The following ACOXL variants were observed in gnomAD, a reference collection of about 807,000 sequenced individuals.
ACOXL encodes acyl-coenzyme A oxidase-like protein.
In ACOXL, 70 loss-of-function variants were observed where a neutral mutation model predicts 71.9. The ratio of observed to expected loss-of-function variants is 0.97; its 90% CI spans 0.80 to 1.19. ACOXL has a LOEUF of 1.19. Ranked by LOEUF, ACOXL falls within the 50% of genes most tolerant of loss-of-function variation. The pLI is 0.00. For synonymous variants in ACOXL, 253 were observed against 281.6 expected (o/e 0.90, Z 1.02); for missense variants, 703 against 736.3 (o/e 0.95, Z 0.52).
At chr2:110,893,648 A>T (rs2058883461) in intron 10 of ACOXL, among the ~76,000 whole-genome samples, 1 of 152,222 alleles carries the variant, frequency 6.6e-6, no homozygotes, top group African/African-American at 2.4e-5. Context: ...GCCTTCAAGT[A>T]TAGTTAATGA....
At chr2:110,794,199 C>A in intron 5 of ACOXL, 25 bp downstream of exon 5, 1 of 1,601,836 alleles carries the variant, frequency 6.2e-7, no homozygotes, top group Non-Finnish European at 8.6e-7. Context: ...CTTCTCCTGC[C>A]GTGCAGGGGA....
At chr2:110,933,216 C>A (rs909962240) in intron 11 of ACOXL, among the ~76,000 whole-genome samples, 2 of 152,098 alleles carry the variant, frequency 1.3e-5, no homozygotes, top group Non-Finnish European at 2.9e-5. Flanking sequence ...TATTATCCTG[C>A]AACTTTTTCT....
chr2:110,784,693 C>T, intron 2 of ACOXL, 39 bp from the exon 3 acceptor site: 1 of 1,482,004 alleles, frequency 6.7e-7, no homozygotes, highest in Non-Finnish European at 9.0e-7. Context: ...GTCAGAAAAC[C>T]ATAAGGAAAC....
At chr2:111,029,905 G>C (rs2065187490) in intron 14 of ACOXL, among the ~76,000 whole-genome samples, 1 of 152,086 alleles carries the variant, frequency 6.6e-6, no homozygotes, top group Non-Finnish European at 1.5e-5. Context: ...GTTGTAGCCA[G>C]CTTTGCACAG....
intron 1 of ACOXL, among the ~76,000 whole-genome samples, chr2:110,753,060 A>G (rs1679212146): frequency 6.6e-6 from 1 of 152,084 alleles, no homozygotes; most frequent in Admixed American, 6.5e-5. Flanking sequence ...TTCTTCATGA[A>G]TGGCTTGGTG....
intron 10 of ACOXL, among the ~76,000 whole-genome samples, chr2:110,889,925 C>T (rs1697748678): frequency 6.6e-6 from 1 of 152,188 alleles, no homozygotes; most frequent in Non-Finnish European, 1.5e-5. Context: ...TATATATTCT[C>T]ACCAAGCAGT....
intron 16 of ACOXL, among the ~76,000 whole-genome samples, chr2:111,067,864 T>A (rs1318575690): frequency 1.3e-5 from 2 of 152,164 alleles, no homozygotes; most frequent in Admixed American, 6.5e-5. Flanking sequence ...TTCAGGGAGC[T>A]CTCTGTGAAT....
chr2:111,094,603 C>T (rs2068707329), intron 17 of ACOXL, among the ~76,000 whole-genome samples: 1 of 152,176 alleles, frequency 6.6e-6, no homozygotes, highest in Non-Finnish European at 1.5e-5. Context: ...AGCATTAATC[C>T]ATTCATGAGG....
At chr2:111,052,099 A>G (rs757481249) in intron 16 of ACOXL, among the ~76,000 whole-genome samples, 4 of 152,206 alleles carry the variant, frequency 2.6e-5, no homozygotes, top group African/African-American at 4.8e-5. Flanking sequence ...AGACAAAAAC[A>G]TTGAGATTTT....
intron 12 of ACOXL, among the ~76,000 whole-genome samples, chr2:110,962,250 A>G (rs192885975): frequency 6.6e-6 from 1 of 152,362 alleles, no homozygotes; most frequent in South Asian, 2.1e-4. Flanking sequence ...AAATGAGTCC[A>G]CTGTAGCCTT....
rs186220747 is a variant in ACOXL at position 111,059,381 on chromosome 2, C to T, written c.1440+10093C>T. On this transcript the variant is annotated intron_variant, in intron 16 of 17. Coordinates refer to ENST00000439055, the MANE Select transcript of ACOXL (RefSeq NM_001142807.4). ...TAATGTGTTACATTTTGAAAGTACA[C>T]AAAACATAACATTCAATATCAGGAT... Among the ~76,000 whole-genome samples the T allele has an allele frequency of 2.6e-3, 401 of 152,238 alleles. 2 individuals are homozygous for T. The highest frequency in any genetic ancestry group is 4.7e-3 in the African/African-American group (196 of 41,532).
At chr2:110,970,249 TAAC>T (rs2062123462) in intron 12 of ACOXL, among the ~76,000 whole-genome samples, 1 of 152,182 alleles carries the variant, frequency 6.6e-6, no homozygotes, top group Non-Finnish European at 1.5e-5. Context: ...AACAAAATAT[TAAC>T]AAATTGAATC....
chr2:110,946,767 T>A (rs1190961720), intron 12 of ACOXL, among the ~76,000 whole-genome samples: 1 of 152,216 alleles, frequency 6.6e-6, no homozygotes, highest in Non-Finnish European at 1.5e-5. Flanking sequence ...TAGTGTTAGC[T>A]GGAGGGGACC....
chr2:111,003,550 CAAAAAAAAAAAA>C (rs548001377), intron 14 of ACOXL, among the ~76,000 whole-genome samples: 51 of 35,336 alleles, frequency 1.4e-3, no homozygotes, highest in South Asian at 4.4e-3. Context: ...GACTCTGTCT[CAAAAAAAAAAAA>C]AAAAAAAAAA....
chr2:110,922,629 A>C (rs1459346090), intron 11 of ACOXL, among the ~76,000 whole-genome samples: 1 of 152,082 alleles, frequency 6.6e-6, no homozygotes, highest in Admixed American at 6.6e-5. Flanking sequence ...CTCTTTTTAT[A>C]TTTTGGCTTG....
intron 1 of ACOXL, among the ~76,000 whole-genome samples, chr2:110,743,029 A>G (rs1677739300): frequency 6.6e-6 from 1 of 152,230 alleles, no homozygotes; most frequent in South Asian, 2.1e-4. Context: ...CACCCCAGAA[A>G]AACACACTGT....
chr2:111,073,045 A>G (rs1015060413), intron 16 of ACOXL, among the ~76,000 whole-genome samples: 4 of 152,208 alleles, frequency 2.6e-5, no homozygotes, highest in Non-Finnish European at 2.9e-5. Context: ...CTTGTTTGCC[A>G]TATGTATCCC....
chr2:110,902,762 T>TACAAA (rs2059290840), intron 10 of ACOXL, among the ~76,000 whole-genome samples: 1 of 152,186 alleles, frequency 6.6e-6, no homozygotes, highest in Non-Finnish European at 1.5e-5. Context: ...AGTTTGTATG[T>TACAAA]CTAGGAGTGC....
At chr2:110,851,448 A>T (rs936626468) in intron 10 of ACOXL, among the ~76,000 whole-genome samples, 1 of 152,152 alleles carries the variant, frequency 6.6e-6, no homozygotes. Context: ...TTGAGTTCAC[A>T]TTGAGCCACA....
Sources: gnomAD v4.1 joint callset for allele counts (sites outside exome capture counted in the v4.1 genomes callset) on GRCh38, gnomAD v4.1.1 for gene constraint, MANE v1.5 for transcripts, NCBI Gene and HGNC (gene_info 2026-07-23, HGNC 2026-07-21) for gene names.